CNTLN: variants seen among roughly 807,000 people sequenced by gnomAD.
CNTLN encodes the protein centlein.
CNTLN carries 212 observed loss-of-function variants against 180.0 expected under a neutral mutation model. That is an observed-to-expected ratio of 1.18 (90% CI 1.05 to 1.32). The LOEUF is 1.32. Ranked by LOEUF, CNTLN falls within the 40% of genes most tolerant of loss-of-function variation. The pLI is 0.00. For synonymous variants in CNTLN, 722 were observed against 563.1 expected (o/e 1.28, Z -3.99); for missense variants, 2,095 against 1,610.9 (o/e 1.30, Z -5.14).
intron 16 of CNTLN, among the ~76,000 whole-genome samples, chr9:17,410,713 A>G (rs965332293): frequency 6.6e-6 from 1 of 152,032 alleles, no homozygotes; most frequent in Middle Eastern, 3.2e-3. Context: ...AATGTCTAGC[A>G]TTGATTTTTT....
intron 2 of CNTLN, among the ~76,000 whole-genome samples, chr9:17,180,310 G>C (rs1489568684): frequency 1.4e-5 from 2 of 144,430 alleles, no homozygotes; most frequent in African/African-American, 5.0e-5. Flanking sequence ...GGTTTTGGTG[G>C]TATCTCTTTG....
At chr9:17,222,329 T>C (rs939439614) in intron 2 of CNTLN, among the ~76,000 whole-genome samples, 3 of 152,068 alleles carry the variant, frequency 2.0e-5, no homozygotes, top group African/African-American at 7.2e-5. Context: ...CTGACCTTAA[T>C]TGATATGGTT....
intron 2 of CNTLN, among the ~76,000 whole-genome samples, chr9:17,156,178 A>G (rs1819275062): frequency 6.6e-6 from 1 of 152,180 alleles, no homozygotes; most frequent in Non-Finnish European, 1.5e-5. Flanking sequence ...CCTTTCGGCC[A>G]TCTTGAATCT....
chr9:17,490,392 A>G (rs73418326), intron 25 of CNTLN, among the ~76,000 whole-genome samples: 4 of 152,208 alleles, frequency 2.6e-5, no homozygotes, highest in South Asian at 2.1e-4. Context: ...TGAGTTTAAT[A>G]TACTACATGA....
rs1490811796 is a variant in CNTLN, at chr9:17,330,378, A to AT, written c.1342-247dup. The stretch of plus-strand genomic sequence containing the variant: ...TGTGTATCATGCAGCCATGCTTTAA[A>AT]TTTTTTTCCTTGAAATCTATATGAC... On this transcript the variant is annotated intron_variant, in intron 8 of 25. Coordinates refer to ENST00000380647, the MANE Select transcript of CNTLN (RefSeq NM_017738.4). Among the ~76,000 whole-genome samples, 8 of 152,012 alleles carry AT rather than the reference A, an allele frequency of 5.3e-5. No individual in the cohort carries two copies. In the South Asian group the frequency reaches 1.7e-3, roughly 32 times the overall value.
intron 2 of CNTLN, among the ~76,000 whole-genome samples, chr9:17,204,953 C>G (rs192240222): frequency 6.6e-6 from 1 of 152,262 alleles, no homozygotes; most frequent in East Asian, 1.9e-4. Context: ...TGAATTCCGT[C>G]CGGGCCAAAC....
chr9:17,376,027 C>T (rs1824729866), intron 13 of CNTLN, among the ~76,000 whole-genome samples: 1 of 152,112 alleles, frequency 6.6e-6, no homozygotes, highest in African/African-American at 2.4e-5. Flanking sequence ...GCTTTTGTCC[C>T]AGTTACTGTT....
chr9:17,312,883 T>C (rs1374447822), intron 8 of CNTLN, among the ~76,000 whole-genome samples: 3 of 152,140 alleles, frequency 2.0e-5, no homozygotes, highest in Non-Finnish European at 2.9e-5. Flanking sequence ...TTAATGATTG[T>C]GTTTAGTTTT....
At chr9:17,332,531 G>A (rs1820714220) in intron 9 of CNTLN, 74 bp from the exon 10 acceptor site, 6 of 1,357,036 alleles carry the variant, frequency 4.4e-6, no homozygotes, top group Non-Finnish European at 6.0e-6. Flanking sequence ...AAAATTACTT[G>A]TTCTTTAATT....
intron 2 of CNTLN, among the ~76,000 whole-genome samples, chr9:17,201,645 G>A (rs1280535891): frequency 6.6e-6 from 1 of 152,110 alleles, no homozygotes; most frequent in African/African-American, 2.4e-5. Context: ...GGTATTCTCT[G>A]ATGGTAGTTT....
intron 2 of CNTLN, among the ~76,000 whole-genome samples, chr9:17,156,662 T>G (rs928469474): frequency 7.9e-5 from 12 of 152,210 alleles, no homozygotes; most frequent in Non-Finnish European, 1.5e-4. Context: ...AAAATAATCT[T>G]TTTAGATGTT....
intron 2 of CNTLN, among the ~76,000 whole-genome samples, chr9:17,174,480 GAA>G (rs1820596458): frequency 6.6e-6 from 1 of 152,136 alleles, no homozygotes; most frequent in African/African-American, 2.4e-5. Flanking sequence ...TGGATCACCT[GAA>G]GTCAGGAGTT....
chr9:17,214,803 T>C (rs1823611663), intron 2 of CNTLN, among the ~76,000 whole-genome samples: 1 of 152,234 alleles, frequency 6.6e-6, no homozygotes, highest in South Asian at 2.1e-4. Context: ...TTCATTCATT[T>C]GATCTTCAAT....
intron 15 of CNTLN, among the ~76,000 whole-genome samples, chr9:17,397,305 A>G (rs1364309627): frequency 3.3e-5 from 5 of 152,234 alleles, no homozygotes; most frequent in African/African-American, 9.6e-5. Context: ...GTAAAGGAAT[A>G]AAAGAATGGC....
rs1415680284 is a variant in CNTLN at position 17,236,603 on chromosome 9, T to G, written c.849+15T>G. The G allele has an allele frequency of 6.3e-7, 1 of 1,584,032 alleles. No homozygotes were observed. Among genetic ancestry groups the G allele is most frequent in the East Asian group, 2.2e-5 (1 of 44,514 alleles). Reference sequence around the variant, plus strand: ...CAAAAATAAAGGTATACAATAGGAATGGAATCCATACTCCTCTTTTGGATC... The same window carrying G: ...CAAAAATAAAGGTATACAATAGGAAGGGAATCCATACTCCTCTTTTGGATC... On this transcript the variant is annotated intron_variant, in intron 5 of 25. Coordinates refer to ENST00000380647, the MANE Select transcript of CNTLN (RefSeq NM_017738.4).
chr9:17,477,177 C>A (rs965628486), intron 23 of CNTLN, among the ~76,000 whole-genome samples: 4 of 152,110 alleles, frequency 2.6e-5, no homozygotes, highest in African/African-American at 9.7e-5. Flanking sequence ...ATATTGAGAC[C>A]TATTGCTTAG....
At chr9:17,474,938 C>G (rs532985305) in intron 23 of CNTLN, among the ~76,000 whole-genome samples, 3 of 151,700 alleles carry the variant, frequency 2.0e-5, no homozygotes, top group African/African-American at 4.8e-5. Context: ...CCTTATTACT[C>G]AAGAAAATGG....
At chr9:17,441,707 G>A (rs1043135623) in intron 18 of CNTLN, among the ~76,000 whole-genome samples, 14 of 151,952 alleles carry the variant, frequency 9.2e-5, no homozygotes, top group African/African-American at 1.7e-4. Context: ...TTCACCATCA[G>A]TAATTAAATA....
chr9:17,312,501 C>T (rs1363145543), intron 8 of CNTLN, among the ~76,000 whole-genome samples: 2 of 150,180 alleles, frequency 1.3e-5, no homozygotes, highest in Admixed American at 1.3e-4. Context: ...ATTCTCCTGC[C>T]TCAGCCTCCT....
Sources: gnomAD v4.1 joint callset for allele counts (sites outside exome capture counted in the v4.1 genomes callset) on GRCh38, gnomAD v4.1.1 for gene constraint, MANE v1.5 for transcripts, NCBI Gene and HGNC (gene_info 2026-07-23, HGNC 2026-07-21) for gene names.